Variants in ESPN observed in about 807,000 individuals in gnomAD.
The protein encoded by ESPN is autosomal recessive deafness type 36 protein.
A neutral mutation model predicts 77.7 loss-of-function variants in ESPN; 68 were observed. The ratio of observed to expected loss-of-function variants is 0.87; its 90% confidence interval spans 0.72 to 1.07. The LOEUF is 1.07. ESPN is among the 50% of genes least tolerant of loss of function. The probability of loss-of-function intolerance (pLI) is 0.00; values close to 1 mark genes in which losing one functional copy is unlikely to be tolerated. For missense variants in ESPN, 1,060 were observed against 1,239.0 expected (o/e 0.86, Z 2.17); for synonymous variants, 449 against 567.1 (o/e 0.79, Z 2.96).
chr1:6,459,130 A>G (rs1644108153), intron 12 of ESPN, among the ~76,000 whole-genome samples: 1 of 152,000 alleles, frequency 6.6e-6, no homozygotes. Flanking sequence ...AATCCCAGCT[A>G]CTCAGAAGGC....
At position 6,460,504 on chromosome 1, in the gene ESPN, C is replaced by T. The variant is rs1204056678; in HGVS notation, c.*358C>T. On this transcript the variant is annotated 3_prime_UTR_variant, in exon 13 of 13. Coordinates refer to ENST00000645284, the MANE Select transcript of ESPN (RefSeq NM_031475.3). ...GTTTTCCTGCGGGGCTCAGCCCCCT[C>T]CAGGATGCAGCCCCCTCCCCCGCAC... 2.0e-5 allele frequency: 4 copies of T among 201,104 alleles called. No individual in the cohort carries two copies. Among genetic ancestry groups the T allele is most frequent in the Non-Finnish European group, 4.1e-5 (4 of 98,050 alleles). The allele number at this position is 201,104 out of a possible 1,614,324, so 12.5% of individuals were successfully genotyped here.
intron 12 of ESPN, among the ~76,000 whole-genome samples, 154 bp from the exon 13 acceptor site, chr1:6,459,845 C>T (rs1557722263): frequency 6.6e-6 from 1 of 152,344 alleles, no homozygotes; most frequent in East Asian, 1.9e-4. Flanking sequence ...CCAATCTAGC[C>T]CCTCTGTCTT....
At chr1:6,456,087 T>C (rs1644053228) in intron 10 of ESPN, 6 of 393,910 alleles carry the variant, frequency 1.5e-5, no homozygotes, top group Non-Finnish European at 2.7e-5. Flanking sequence ...CGAAGACCCC[T>C]TGGAACTGGT....
At position 6,440,339 on chromosome 1, in the gene ESPN, G is replaced by T; in HGVS notation, c.574G>T (p.Val192Leu). The T allele has an allele frequency of 6.3e-7, 1 of 1,582,064 alleles. No homozygotes were observed. The stretch of plus-strand genomic sequence containing the variant: ...CCACCTGGAGGTGACCCAGTACCTG[G>T]TGCAGGAATGCGGCGCAGACCCGCA... The part of the protein sequence containing the change: ...EGHLEVTQYL[V>L]QECGADPHAR... The change falls in exon 3 of 13, where the codon GTG becomes TTG. Residue 192 changes from valine (V) to leucine (L), a missense_variant. By Grantham distance (32) the Val-to-Leu change is conservative. Around this residue, in one of 3 missense-constraint regions of ESPN, gnomAD observed 556 missense variants for 633.6 expected, o/e 0.88. Coordinates refer to ENST00000645284, the MANE Select transcript of ESPN (RefSeq NM_031475.3).
At position 6,428,374 on chromosome 1, in the gene ESPN, AAGG is replaced by A. The variant is rs1172095739; in HGVS notation, c.446_448del (p.Gly149del). On this transcript the variant is annotated inframe_deletion, in exon 2 of 13. Transcript: ENST00000645284. This position sits in a 1 kb window ranked among gnomAD's most constrained non-coding sequence, Gnocchi z 5.4. ...CTGCCTATCCACTACGCTGCCGCCA[AAGG>A]AGACTTCCCCTCCCTGAGGCTTCTC... 6.2e-7 allele frequency: 1 copy of A among 1,612,960 alleles called. No homozygotes were observed. The highest frequency in any genetic ancestry group is 1.7e-5 in the Admixed American group (1 of 60,010).
intron 10 of ESPN, among the ~76,000 whole-genome samples, chr1:6,453,698 G>C (rs973201570): frequency 8.5e-5 from 13 of 152,206 alleles, no homozygotes; most frequent in African/African-American, 3.1e-4. Context: ...CCGGGTGCGG[G>C]GAGTGTTAAG....
rs777475384 is a variant in ESPN at position 6,451,773 on chromosome 1, C to T, written c.2061+25C>T. On this transcript the variant is annotated intron_variant, in intron 9 of 12. Transcript: ENST00000645284. The surrounding 1 kb of genome is among the most constrained non-coding windows in gnomAD (Gnocchi z 4.3). ...GGTAGGCGGGCCCAGCAGGAGCCTGCGACCCGGCTTCCCTGGCCCTAGGCC... is the reference window on the plus strand; with the variant it reads ...GGTAGGCGGGCCCAGCAGGAGCCTGTGACCCGGCTTCCCTGGCCCTAGGCC... The T allele has an allele frequency of 8.7e-6, 14 of 1,610,182 alleles. No homozygotes were observed. In the East Asian group the frequency reaches 1.8e-4, roughly 21 times the overall value.
At chr1:6,435,401 C>T (rs1487133487) in intron 2 of ESPN, among the ~76,000 whole-genome samples, 1 of 152,238 alleles carries the variant, frequency 6.6e-6, no homozygotes, top group Non-Finnish European at 1.5e-5. Context: ...CGGAGATTCC[C>T]ACAGCCCACA....
Position 6,447,003 on chromosome 1 carries a change from G to T in ESPN, c.1464+1068G>T, listed in dbSNP as rs182918948. 2.5e-3 allele frequency: 388 copies of T among 152,398 alleles called. No individual in the cohort carries two copies. Among genetic ancestry groups the T allele is most frequent in the Non-Finnish European group, 4.4e-3 (300 of 68,116 alleles). 9.4% of individuals were successfully genotyped at this position (152,398 alleles called of 1,614,324 possible). On this transcript the variant is annotated intron_variant, in intron 7 of 12. Coordinates refer to ENST00000645284, the MANE Select transcript of ESPN (RefSeq NM_031475.3). The surrounding 1 kb of genome is among the most constrained non-coding windows in gnomAD (Gnocchi z 5.2). ...CCTTTCATCTCTGGGAGGCAGAGGGGGCCCTGGAATCGCTGAGTTCCCAAC... is the reference window on the plus strand; with the variant it reads ...CCTTTCATCTCTGGGAGGCAGAGGGTGCCCTGGAATCGCTGAGTTCCCAAC...
chr1:6,426,707 G>A (rs1033716893), intron 1 of ESPN, among the ~76,000 whole-genome samples: 1 of 152,112 alleles, frequency 6.6e-6, no homozygotes, highest in Non-Finnish European at 1.5e-5. Context: ...CAGTCCCCAA[G>A]GCCAATAGGA....
intron 5 of ESPN, among the ~76,000 whole-genome samples, chr1:6,442,194 C>A (rs1643661623): frequency 6.6e-6 from 1 of 152,180 alleles, no homozygotes; most frequent in Non-Finnish European, 1.5e-5. Context: ...GGACAGCAAA[C>A]ACTATTCATT....
At chr1:6,457,292 C>T in intron 11 of ESPN, 29 bp downstream of exon 11, 1 of 1,614,154 alleles carries the variant, frequency 6.2e-7, no homozygotes, top group Non-Finnish European at 8.5e-7. Flanking sequence ...AGAGGCTGGC[C>T]TGGCAGGGTG....
chr1:6,424,804 G>C lies in ESPN; in HGVS notation c.-152G>C. The C allele has an allele frequency of 1.3e-6, 1 of 775,174 alleles. No homozygotes were observed. 48.0% of individuals were successfully genotyped at this position (775,174 alleles called of 1,614,324 possible). A position where few individuals can be genotyped will look rare whatever the true frequency, so the allele number is the denominator to read the frequency against. On this transcript the variant is annotated 5_prime_UTR_variant, in exon 1 of 13. Coordinates refer to ENST00000645284, the MANE Select transcript of ESPN (RefSeq NM_031475.3). ...GCGCGGCGGAGCGGAGCGCCAGGCAGCGCGGAGCGGAGGCCAGGCCCACAG... is the reference window on the plus strand; with the variant it reads ...GCGCGGCGGAGCGGAGCGCCAGGCACCGCGGAGCGGAGGCCAGGCCCACAG...
At chr1:6,429,806 C>T (rs2003071) in intron 2 of ESPN, 13,978 of 152,826 alleles carry the variant, frequency 0.091, 928 homozygotes, top group African/African-American at 0.18. Flanking sequence ...CCCTGACCCC[C>T]TCCCAGGCCA....
Position 6,460,176 on chromosome 1 carries a change from A to C in ESPN, c.*30A>C, listed in dbSNP as rs1341719711. 6.2e-7 allele frequency: 1 copy of C among 1,602,428 alleles called. No individual in the cohort carries two copies. Among genetic ancestry groups the C allele is most frequent in the African/African-American group, 1.3e-5 (1 of 74,660 alleles). On this transcript the variant is annotated 3_prime_UTR_variant, in exon 13 of 13. Coordinates refer to ENST00000645284, the MANE Select transcript of ESPN (RefSeq NM_031475.3). ...CGCAGACTCCTGTCCGCAGCCTCGCAGCTCCGTGGGGCCCTCCGCCCCAGC... is the reference window on the plus strand; with the variant it reads ...CGCAGACTCCTGTCCGCAGCCTCGCCGCTCCGTGGGGCCCTCCGCCCCAGC...
intron 3 of ESPN, 24 bp from the exon 4 acceptor site, chr1:6,440,602 C>CCCCAAG: frequency 4.0e-6 from 5 of 1,256,472 alleles, no homozygotes; most frequent in Non-Finnish European, 5.5e-6. Context: ...CCCCCGCCCC[C>CCCCAAG]CTCTCCCCGC....
rs754894303 is a variant in ESPN, at chr1:6,451,937, C to T, written c.2166C>T (p.Pro722=). ...FQPLLNGSLV[P]VPPTTPAPGV... is the part of the protein sequence containing the mutation. ...CGCTGCTCAATGGAAGCTTGGTTCC[C>T]GTGCCGCCCACTACTCCTGCGCCGG... The change falls in exon 10 of 13, where the codon CCC becomes CCT. Residue 722 remains proline, a synonymous_variant. Transcript: ENST00000645284. The surrounding 1 kb of genome is among the most constrained non-coding windows in gnomAD (Gnocchi z 4.3). 1.4e-5 allele frequency: 22 copies of T among 1,610,640 alleles called. No homozygotes were observed. The highest frequency in any genetic ancestry group is 4.5e-5 in the East Asian group (2 of 44,740).
At chr1:6,445,597 A>G (rs1643798872) in intron 6 of ESPN, 67 bp from the exon 7 acceptor site, 9 of 1,549,018 alleles carry the variant, frequency 5.8e-6, no homozygotes, top group Non-Finnish European at 6.2e-6. Context: ...GGTGGTGGAG[A>G]GTCTCAGTCT....
In ESPN at chr1:6,451,784, C is replaced by G; in HGVS notation, c.2061+36C>G. On this transcript the variant is annotated intron_variant, in intron 9 of 12. Coordinates refer to ENST00000645284, the MANE Select transcript of ESPN (RefSeq NM_031475.3). This position sits in a 1 kb window ranked among gnomAD's most constrained non-coding sequence, Gnocchi z 4.3. ...CCAGCAGGAGCCTGCGACCCGGCTTCCCTGGCCCTAGGCCACCGGGCGCTC... is the reference window on the plus strand; with the variant it reads ...CCAGCAGGAGCCTGCGACCCGGCTTGCCTGGCCCTAGGCCACCGGGCGCTC... The G allele has an allele frequency of 1.2e-6, 2 of 1,610,410 alleles. No homozygotes were observed. Among genetic ancestry groups the G allele is most frequent in the Non-Finnish European group, 8.5e-7 (1 of 1,179,140 alleles).
Sources: allele counts gnomAD v4.1 joint callset (sites outside exome capture counted in the v4.1 genomes callset), GRCh38; gene constraint gnomAD v4.1.1; regional missense constraint gnomAD v4.1.1; non-coding constraint Gnocchi (gnomAD v3.1); transcripts MANE v1.5; gene names NCBI Gene and HGNC (gene_info 2026-07-23, HGNC 2026-07-21).